FLYWCH2: variants seen among roughly 807,000 people sequenced by gnomAD.
FLYWCH2 encodes the protein FLYWCH family member 2.
In FLYWCH2, 2 loss-of-function variants were observed where a neutral mutation model predicts 6.0. The ratio of observed to expected loss-of-function variants is 0.33; its 90% CI spans 0.14 to 1.04. FLYWCH2 has a LOEUF of 1.04. FLYWCH2 is among the 50% of genes least tolerant of loss of function. The pLI, the probability that FLYWCH2 is intolerant of heterozygous loss-of-function variation, is 0.45. For missense variants in FLYWCH2, 192 were observed against 183.4 expected (o/e 1.05, Z -0.27); for synonymous variants, 87 against 79.3 (o/e 1.10, Z -0.52).
intron 1 of FLYWCH2, among the ~76,000 whole-genome samples, chr16:2,884,048 G>A (rs1234081719): frequency 3.3e-5 from 5 of 152,262 alleles, no homozygotes; most frequent in Admixed American, 6.5e-5. Context: ...ACACCTTAGT[G>A]TCCCGTCATC....
At position 2,891,417 on chromosome 16, in the gene FLYWCH2, T is replaced by A. The variant is rs114831443; in HGVS notation, c.-199-3803T>A. Among the ~76,000 whole-genome samples the A allele has an allele frequency of 4.5e-3, 692 of 152,296 alleles. 3 individuals carry two copies. The highest frequency in any genetic ancestry group is 0.016 in the African/African-American group (663 of 41,582). On this transcript the variant is annotated intron_variant, in intron 1 of 3. Transcript: ENST00000396958. ...TATTTTATTTTTATTTTATTTATTT[T>A]TTTTTGAGATGGAGTCTCGCCCTAT...
intron 3 of FLYWCH2, 92 bp downstream of exon 3, chr16:2,896,863 C>T (rs771154443): frequency 8.3e-7 from 1 of 1,207,002 alleles, no homozygotes. Context: ...TTCTCCCTGG[C>T]ATGCGGGTCC....
Position 2,884,561 on chromosome 16 carries a change from A to AAAAAAAAAAAAAC in FLYWCH2, c.-200+1207_-200+1208insCAAAAAAAAAAAA, listed in dbSNP as rs2069675337. Among the ~76,000 whole-genome samples the AAAAAAAAAAAAAC allele has an allele frequency of 7.1e-5, 10 of 141,008 alleles. 1 individual carries two copies. The highest frequency in any genetic ancestry group is 1.1e-4 in the Non-Finnish European group (7 of 64,346). The allele number at this position is 141,008 out of a possible 152,430, so 92.5% of individuals were successfully genotyped here. Reference sequence around the variant, plus strand: ...CATGGTGAAACCCCGTCTCTACTAAAAAAAAAAAAAAAAAAATACAAAAAT... The same window carrying AAAAAAAAAAAAAC: ...CATGGTGAAACCCCGTCTCTACTAAAAAAAAAAAAAAACAAAAAAAAAAAAAAAATACAAAAAT... On this transcript the variant is annotated intron_variant, in intron 1 of 3. Coordinates refer to ENST00000396958, the MANE Select transcript of FLYWCH2 (RefSeq NM_138439.3).
At position 2,895,317 on chromosome 16, in the gene FLYWCH2, C is replaced by G. The variant is rs2150849854; in HGVS notation, c.-102C>G. ...GGCAGCGCCAGCACTAGCTCAGACG[C>G]AAGGTTGGTGTGAGAACCAGTGGGT... is the stretch of plus-strand genomic sequence containing the variant. On this transcript the variant is annotated 5_prime_UTR_variant, in exon 2 of 4. Coordinates refer to ENST00000396958, the MANE Select transcript of FLYWCH2 (RefSeq NM_138439.3). The G allele has an allele frequency of 6.6e-6, 1 of 152,466 alleles. No homozygotes were observed. Among genetic ancestry groups the G allele is most frequent in the African/African-American group, 2.4e-5 (1 of 41,582 alleles). 9.4% of individuals were successfully genotyped at this position (152,466 alleles called of 1,614,324 possible).
Position 2,899,059 on chromosome 16 carries a change from A to G in FLYWCH2, c.333A>G (p.Arg111=). 1 of 1,613,336 alleles carries G rather than the reference A, an allele frequency of 6.2e-7. No individual in the cohort carries two copies. The highest frequency in any genetic ancestry group is 8.5e-7 in the Non-Finnish European group (1 of 1,179,660). Residue 111 remains arginine (R), a synonymous_variant, in exon 4 of 4, where the codon AGA becomes AGG. Coordinates refer to ENST00000396958, the MANE Select transcript of FLYWCH2 (RefSeq NM_138439.3). The part of the protein sequence containing the change: ...KRSRQDPGTD[R]TEDSGLAAGP... ...CCTCTTCTCTCGCAGGCACAGACAG[A>G]ACAGAAGACAGTGGATTAGCAGCGG...
chr16:2,886,252 G>A lies in FLYWCH2; in HGVS notation c.-200+2886G>A, dbSNP rs544615494. 1.6e-4 allele frequency among the ~76,000 whole-genome samples: 25 copies of A among 151,896 alleles called. No homozygotes were observed. In the South Asian group the frequency reaches 5.0e-3, roughly 30 times the overall value. On this transcript the variant is annotated intron_variant, in intron 1 of 3. Transcript: ENST00000396958. ...CTGCAGTGCAGTGTAGTGCAGTGGC[G>A]CCACCTCGGCTCACTGAAATCTCCA...
At chr16:2,888,473 G>T (rs1596335992) in intron 1 of FLYWCH2, among the ~76,000 whole-genome samples, 3 of 99,658 alleles carry the variant, frequency 3.0e-5, no homozygotes, top group South Asian at 3.2e-4. Context: ...GGACCAGCTT[G>T]TCAGTTTCTC....
At chr16:2,892,914 ATT>A (rs2069775082) in intron 1 of FLYWCH2, among the ~76,000 whole-genome samples, 1 of 129,664 alleles carries the variant, frequency 7.7e-6, no homozygotes, top group African/African-American at 3.0e-5. Flanking sequence ...TATAATATAT[ATT>A]ATATATGTCA....
In FLYWCH2 at chr16:2,896,687, C is replaced by G; in HGVS notation, c.238C>G (p.Leu80Val). 6.2e-7 allele frequency: 1 copy of G among 1,613,048 alleles called. No homozygotes were observed. The highest frequency in any genetic ancestry group is 8.5e-7 in the Non-Finnish European group (1 of 1,179,858). ...CGGCCCCGCCACCCTTGCCAAGGCC[C>G]TCCTCCAGACCCACCCCGAGGCCCA... is the stretch of plus-strand genomic sequence containing the variant. The part of the protein sequence containing the change: ...VPGPATLAKA[L>V]LQTHPEAQRA... The change falls in exon 3 of 4, where the codon CTC becomes GTC. Residue 80 changes from leucine (L) to valine (V), a missense_variant. Coordinates refer to ENST00000396958, the MANE Select transcript of FLYWCH2 (RefSeq NM_138439.3).
At chr16:2,893,949 CT>C (rs2069789086) in intron 1 of FLYWCH2, among the ~76,000 whole-genome samples, 1 of 152,104 alleles carries the variant, frequency 6.6e-6, no homozygotes, top group Non-Finnish European at 1.5e-5. Flanking sequence ...CTTTGGGGCC[CT>C]TTTGTACAGC....
At chr16:2,888,332 C>G (rs1430756748) in intron 1 of FLYWCH2, among the ~76,000 whole-genome samples, 1 of 151,750 alleles carries the variant, frequency 6.6e-6, no homozygotes, top group East Asian at 1.9e-4. Context: ...TATGCCAGTA[C>G]CACATTGTAT....
At chr16:2,898,928 G>C (rs1243421972) in intron 3 of FLYWCH2, 121 bp from the exon 4 acceptor site, 8 of 670,684 alleles carry the variant, frequency 1.2e-5, no homozygotes, top group Admixed American at 1.1e-4. Context: ...TCAGGCAGAG[G>C]CTTCTGGCCC....
intron 3 of FLYWCH2, 65 bp from the exon 4 acceptor site, chr16:2,898,984 C>T: frequency 7.3e-7 from 1 of 1,363,158 alleles, no homozygotes; most frequent in Non-Finnish European, 1.0e-6. Context: ...GGTAGACCCC[C>T]AACAGCCAAG....
chr16:2,888,958 A>C (rs967457135), intron 1 of FLYWCH2, among the ~76,000 whole-genome samples: 6 of 152,108 alleles, frequency 3.9e-5, no homozygotes, highest in Admixed American at 2.6e-4. Flanking sequence ...AATTGTAGAA[A>C]AGAAATATTT....
rs1318356315 is a variant in FLYWCH2, at chr16:2,895,016, C to A, written c.-199-204C>A. On this transcript the variant is annotated intron_variant, in intron 1 of 3. Coordinates refer to ENST00000396958, the MANE Select transcript of FLYWCH2 (RefSeq NM_138439.3). ...TCCTGGACAGGGGGCTAGGTGGCTGCCCAAGCTGCAGTCTTGTGTCTAGGC... is the reference window on the plus strand; with the variant it reads ...TCCTGGACAGGGGGCTAGGTGGCTGACCAAGCTGCAGTCTTGTGTCTAGGC... 2.0e-5 allele frequency among the ~76,000 whole-genome samples: 3 copies of A among 152,050 alleles called. 1 individual carries two copies. The highest frequency in any genetic ancestry group is 1.5e-5 in the Non-Finnish European group (1 of 68,004).
chr16:2,890,214 GT>G (rs2069740055), intron 1 of FLYWCH2, among the ~76,000 whole-genome samples: 1 of 132,844 alleles, frequency 7.5e-6, no homozygotes, highest in Non-Finnish European at 1.6e-5. Context: ...GCGTGTGTGT[GT>G]TTTTTTGTTT....
At chr16:2,892,974 TATATTA>T (rs2069776222) in intron 1 of FLYWCH2, among the ~76,000 whole-genome samples, 2 of 141,046 alleles carry the variant, frequency 1.4e-5, no homozygotes, top group African/African-American at 5.2e-5. Flanking sequence ...GTATATAATA[TATATTA>T]TATATGTCAC....
intron 1 of FLYWCH2, among the ~76,000 whole-genome samples, chr16:2,883,926 T>C (rs932934698): frequency 1.1e-4 from 17 of 152,166 alleles, no homozygotes; most frequent in African/African-American, 4.1e-4. Flanking sequence ...ATGGCTGAAA[T>C]TGCCATGGTG....
intron 3 of FLYWCH2, among the ~76,000 whole-genome samples, chr16:2,897,928 C>G (rs561785949): frequency 7.0e-6 from 1 of 143,856 alleles, no homozygotes; most frequent in Admixed American, 6.9e-5. Flanking sequence ...GAAGAAGAGG[C>G]GTAGCAGGTG....
Sources: allele counts gnomAD v4.1 joint callset (sites outside exome capture counted in the v4.1 genomes callset), GRCh38; gene constraint gnomAD v4.1.1; transcripts MANE v1.5; gene names NCBI Gene and HGNC (gene_info 2026-07-23, HGNC 2026-07-21).